CRACR2A: variants seen among roughly 807,000 people sequenced by gnomAD.
CRACR2A encodes the protein calcium release activated channel regulator 2A, also known as EF-hand calcium-binding domain-containing protein 4B.
In CRACR2A, 79 loss-of-function variants were observed where a neutral mutation model predicts 90.5. The observed-to-expected ratio is 0.87, with a 90% CI of 0.73 to 1.05. CRACR2A has a LOEUF of 1.05. Among genes scored for constraint, CRACR2A ranks in the 50% least tolerant of loss-of-function variants. The pLI, the probability that CRACR2A is intolerant of heterozygous loss-of-function variation, is 0.00. For missense variants in CRACR2A, 823 were observed against 897.2 expected, an observed-to-expected ratio of 0.92 and a Z score of 1.06; for synonymous variants, 338 against 356.7, an observed-to-expected ratio of 0.95 and a Z score of 0.59.
At chr12:3,693,292 GC>G (rs1945680618) in intron 4 of CRACR2A, among the ~76,000 whole-genome samples, 1 of 152,174 alleles carries the variant, frequency 6.6e-6, no homozygotes. Context: ...TATGATGCGG[GC>G]CCCCAGGACA....
rs1944498536 is a variant in CRACR2A, at chr12:3,638,373, C to T, written c.1353G>A (p.Glu451=). 1 of 1,551,666 alleles carries T rather than the reference C, an allele frequency of 6.4e-7. No individual in the cohort carries two copies. Among genetic ancestry groups the T allele is most frequent in the East Asian group, 2.4e-5 (1 of 40,914 alleles). The part of the protein sequence containing the change: ...LGLSGYPLTE[E]EPGTGEPGPG... ...GCCCTGGCTCCCCGGTTCCTGGCTC[C>T]TCTTCTGTTAGGGGATATCCACTCA... The change falls in exon 14 of 20, where the codon GAG becomes GAA. Residue 451 remains glutamate (E), a synonymous_variant. Coordinates refer to ENST00000440314, the MANE Select transcript of CRACR2A (RefSeq NM_001144958.2).
chr12:3,724,687 G>A (rs1474857538), intron 2 of CRACR2A, among the ~76,000 whole-genome samples: 5 of 152,212 alleles, frequency 3.3e-5, no homozygotes, highest in African/African-American at 1.2e-4. Context: ...GACCGTCTGG[G>A]GCTGCAAAAC....
chr12:3,723,458 G>T (rs2137821274), intron 2 of CRACR2A, among the ~76,000 whole-genome samples: 1 of 152,234 alleles, frequency 6.6e-6, no homozygotes, highest in South Asian at 2.1e-4. Flanking sequence ...GGGGGGTTTG[G>T]AAACTGTGTG....
At chr12:3,629,853 G>A (rs375619372) in intron 15 of CRACR2A, among the ~76,000 whole-genome samples, 97 of 151,274 alleles carry the variant, frequency 6.4e-4, no homozygotes, top group African/African-American at 1.8e-3. Context: ...AGACAAGGGG[G>A]GGGGGGGATG....
intron 17 of CRACR2A, among the ~76,000 whole-genome samples, chr12:3,623,700 TA>T (rs1308920887): frequency 3.3e-5 from 5 of 152,288 alleles, no homozygotes; most frequent in African/African-American, 1.2e-4. Flanking sequence ...TGACTTCCTA[TA>T]AGGCACTCAG....
chr12:3,629,858 GGGA>G (rs1451485846), intron 15 of CRACR2A, among the ~76,000 whole-genome samples: 68 of 147,106 alleles, frequency 4.6e-4, no homozygotes, highest in African/African-American at 1.7e-3. Flanking sequence ...AGGGGGGGGG[GGGA>G]TGAAGAGGTG....
chr12:3,631,059 A>G (rs1380234963), intron 15 of CRACR2A, among the ~76,000 whole-genome samples: 2 of 152,132 alleles, frequency 1.3e-5, no homozygotes, highest in Admixed American at 6.5e-5. Context: ...TGGCTGTTAT[A>G]TCTCTTTAAA....
chr12:3,675,949 C>T lies in CRACR2A; in HGVS notation c.525-2357G>A, dbSNP rs550050924. Among the ~76,000 whole-genome samples the T allele has an allele frequency of 4.5e-4, 68 of 152,244 alleles. No individual in the cohort carries two copies. In the South Asian group the frequency reaches 0.013, roughly 30 times the overall value. On this transcript the variant is annotated intron_variant, in intron 6 of 19. Coordinates refer to ENST00000440314, the MANE Select transcript of CRACR2A (RefSeq NM_001144958.2). Reference sequence around the variant, plus strand: ...AATGGACATGACTCTCTGCACCCAGCAGAGAAGAGGACCACTGAGAAATAG... The same window carrying T: ...AATGGACATGACTCTCTGCACCCAGTAGAGAAGAGGACCACTGAGAAATAG...
intron 4 of CRACR2A, among the ~76,000 whole-genome samples, chr12:3,692,895 G>A (rs1340887046): frequency 6.6e-6 from 1 of 152,160 alleles, no homozygotes; most frequent in African/African-American, 2.4e-5. Flanking sequence ...GATCACTCAG[G>A]GCAGGGAAAG....
intron 4 of CRACR2A, among the ~76,000 whole-genome samples, chr12:3,685,806 T>C (rs890477883): frequency 1.3e-5 from 2 of 152,164 alleles, no homozygotes; most frequent in Non-Finnish European, 2.9e-5. Flanking sequence ...AGATAAATGA[T>C]AATGGTGGTT....
chr12:3,733,652 C>A (rs527801272), intron 1 of CRACR2A, among the ~76,000 whole-genome samples: 1 of 152,120 alleles, frequency 6.6e-6, no homozygotes, highest in Non-Finnish European at 1.5e-5. Flanking sequence ...TTGATGACAT[C>A]GTTGACCACT....
chr12:3,676,947 G>A (rs1945346153), intron 6 of CRACR2A, among the ~76,000 whole-genome samples: 1 of 152,096 alleles, frequency 6.6e-6, no homozygotes, highest in Admixed American at 6.5e-5. Context: ...ACTTAGTCAT[G>A]GCAACAACAA....
intron 7 of CRACR2A, among the ~76,000 whole-genome samples, chr12:3,669,724 T>G (rs892484379): frequency 1.3e-5 from 2 of 152,072 alleles, no homozygotes; most frequent in African/African-American, 4.8e-5. Context: ...CTCAGCCACC[T>G]CAGTTGCCAC....
intron 1 of CRACR2A, among the ~76,000 whole-genome samples, chr12:3,735,076 T>TA (rs201859460): frequency 1.5e-5 from 2 of 133,676 alleles, no homozygotes; most frequent in African/African-American, 6.3e-5. Flanking sequence ...ACTAACTTTA[T>TA]AAAAAAAATT....
Position 3,673,812 on chromosome 12 carries a change from T to A in CRACR2A, c.525-220A>T, listed in dbSNP as rs1024341641. On this transcript the variant is annotated intron_variant, in intron 6 of 19. Coordinates refer to ENST00000440314, the MANE Select transcript of CRACR2A (RefSeq NM_001144958.2). ...TAACCCTACAAGGCAGGAGCTGCAA[T>A]TACCCCATTTACAGATGACGAAGCA... 2.0e-5 allele frequency among the ~76,000 whole-genome samples: 3 copies of A among 152,168 alleles called. No individual in the cohort carries two copies. In the South Asian group the frequency reaches 6.2e-4, roughly 32 times the overall value.
At chr12:3,616,143 G>A (rs4765742) in intron 19 of CRACR2A, among the ~76,000 whole-genome samples, 9,706 of 152,336 alleles carry the variant, frequency 0.064, 358 homozygotes, top group Middle Eastern at 0.12. Flanking sequence ...GGAGTCAGGG[G>A]CAGAGAAAAG....
chr12:3,628,004 TCCCTCCC>T (rs2137305337), intron 15 of CRACR2A, among the ~76,000 whole-genome samples: 2 of 99,988 alleles, frequency 2.0e-5, no homozygotes, highest in African/African-American at 7.8e-5. Flanking sequence ...TTTCTTTCCC[TCCCTCCC>T]TCCCTCCCTC....
intron 2 of CRACR2A, among the ~76,000 whole-genome samples, chr12:3,723,499 C>T (rs762423997): frequency 6.6e-6 from 1 of 152,096 alleles, no homozygotes; most frequent in Non-Finnish European, 1.5e-5. Context: ...TACTGCTCAA[C>T]TGGAAACGTT....
intron 7 of CRACR2A, among the ~76,000 whole-genome samples, chr12:3,666,364 T>TGTGTGTGTGTGTGTGTGTGTGTGTGCGC (rs765943563): frequency 6.7e-6 from 1 of 149,498 alleles, no homozygotes; most frequent in Non-Finnish European, 1.5e-5. Flanking sequence ...TGCGTGCGTG[T>TGTGTGTGTGTGTGTGTGTGTGTGTGCGC]GCGCGTGCGC....
Sources: gnomAD v4.1 joint callset for allele counts (sites outside exome capture counted in the v4.1 genomes callset) on GRCh38, gnomAD v4.1.1 for gene constraint, MANE v1.5 for transcripts, NCBI Gene and HGNC (gene_info 2026-07-23, HGNC 2026-07-21) for gene names.